Variants in AHRR observed in about 807,000 individuals in gnomAD.
The protein encoded by AHRR is aryl hydrocarbon receptor repressor, also known as ahR repressor.
Under a neutral mutation model 44.0 loss-of-function variants are expected in AHRR, and 28 were observed. The ratio of observed to expected loss-of-function variants is 0.64; its 90% confidence interval spans 0.47 to 0.87. The LOEUF is 0.87. Ranked by LOEUF, AHRR falls within the 40% of genes least tolerant of loss-of-function variation. The pLI is 0.00. For synonymous variants in AHRR, 434 were observed against 407.0 expected (o/e 1.07, Z -0.80); for missense variants, 990 against 953.9 (o/e 1.04, Z -0.50).
In AHRR at chr5:413,338, T is replaced by G; in HGVS notation, c.352-6T>G. On this transcript the variant is annotated splice_polypyrimidine_tract_variant and splice_region_variant and intron_variant, in intron 4 of 10. Transcript: ENST00000684583. ...ATTTTTTTTTTTGTTTTGTTTTTTC[T>G]TCTAGTCTCTTAATGGCTTTGCTCT... 6.3e-7 allele frequency: 1 copy of G among 1,583,808 alleles called. No individual in the cohort carries two copies. Among genetic ancestry groups the G allele is most frequent in the Non-Finnish European group, 8.6e-7 (1 of 1,168,156 alleles).
intron 5 of AHRR, among the ~76,000 whole-genome samples, chr5:414,193 GT>G (rs1735604932): frequency 6.6e-6 from 1 of 152,126 alleles, no homozygotes; most frequent in Non-Finnish European, 1.5e-5. Context: ...AACCTGGGAG[GT>G]GTAGGTTGCA....
rs540260467 is a variant in AHRR at position 353,205 on chromosome 5, T to C, written c.63-525T>C. Among the ~76,000 whole-genome samples the C allele has an allele frequency of 1.4e-3, 209 of 152,260 alleles. 1 individual carries two copies. The highest frequency in any genetic ancestry group is 2.3e-3 in the Non-Finnish European group (157 of 68,000). The stretch of plus-strand genomic sequence containing the variant: ...GGGTACTCTCCCCTCAGCCCCAGCA[T>C]GTACAGGAGAAACCAAGCTCGGAGC... On this transcript the variant is annotated intron_variant, in intron 2 of 10. Coordinates refer to ENST00000684583, the MANE Select transcript of AHRR (RefSeq NM_001377236.1).
intron 2 of AHRR, among the ~76,000 whole-genome samples, chr5:344,503 GGTGT>G (rs71281520): frequency 1.6e-3 from 3 of 1,930 alleles, no homozygotes; most frequent in South Asian, 0.023. Flanking sequence ...TGTGTGTGTG[GGTGT>G]GTGTGTGTGA....
At chr5:421,497 G>A (rs1407667462) in intron 5 of AHRR, among the ~76,000 whole-genome samples, 3 of 152,254 alleles carry the variant, frequency 2.0e-5, no homozygotes, top group Non-Finnish European at 4.4e-5. Context: ...TTTCTTGAAG[G>A]TGACTCACCC....
At chr5:385,319 T>C (rs1167298371) in intron 4 of AHRR, among the ~76,000 whole-genome samples, 1 of 152,020 alleles carries the variant, frequency 6.6e-6, no homozygotes, top group African/African-American at 2.4e-5. Context: ...GGACTACAGG[T>C]GCACACCACC....
At chr5:366,768 G>A (rs1251369946) in intron 3 of AHRR, among the ~76,000 whole-genome samples, 1 of 152,238 alleles carries the variant, frequency 6.6e-6, no homozygotes, top group Non-Finnish European at 1.5e-5. Context: ...GCATTGCTTT[G>A]CTGATACTCG....
chr5:387,567 G>C lies in AHRR; in HGVS notation c.351+10851G>C, dbSNP rs1372083047. Among the ~76,000 whole-genome samples the C allele has an allele frequency of 2.0e-5, 3 of 152,212 alleles. No homozygotes were observed. The highest frequency in any genetic ancestry group is 4.1e-4 in the South Asian group (2 of 4,834). Reference sequence around the variant, plus strand: ...AGCCATGCAGCACGTCCCTCCACCTGCCTTTCACCCTGTCTGCTGAGGGAT... The same window carrying C: ...AGCCATGCAGCACGTCCCTCCACCTCCCTTTCACCCTGTCTGCTGAGGGAT... On this transcript the variant is annotated intron_variant, in intron 4 of 10. Coordinates refer to ENST00000684583, the MANE Select transcript of AHRR (RefSeq NM_001377236.1). This position sits in a 1 kb window ranked among gnomAD's most constrained non-coding sequence, Gnocchi z 5.1.
intron 4 of AHRR, among the ~76,000 whole-genome samples, chr5:399,294 C>T (rs577232349): frequency 4.6e-5 from 7 of 152,302 alleles, no homozygotes; most frequent in East Asian, 3.9e-4. Context: ...ATGGGCCTGG[C>T]GCTTCTGGAG....
intron 8 of AHRR, among the ~76,000 whole-genome samples, chr5:429,874 G>A (rs957792): frequency 0.073 from 11,128 of 152,260 alleles, 491 homozygotes; most frequent in Admixed American, 0.12. Flanking sequence ...GGTGTGACTC[G>A]AATCTCACTG....
At position 434,146 on chromosome 5, in the gene AHRR, G is replaced by C. The variant is rs769781351; in HGVS notation, c.1406G>C (p.Arg469Pro). ...TCCAGCCGGACCAGCAGACCCATGCGGGATGTCGGTGAGGACCAGGTGCAC... is the reference window on the plus strand; with the variant it reads ...TCCAGCCGGACCAGCAGACCCATGCCGGATGTCGGTGAGGACCAGGTGCAC... ...AYSSRTSRPM[R>P]DVGEDQVHPP... Residue 469 changes from arginine (R) to proline (P), a missense_variant, in exon 11 of 11, where the codon CGG becomes CCG. Arg to Pro is a moderately radical substitution (Grantham distance 103, BLOSUM62 -2). Coordinates refer to ENST00000684583, the MANE Select transcript of AHRR (RefSeq NM_001377236.1). The C allele has an allele frequency of 6.2e-7, 1 of 1,610,180 alleles. No individual in the cohort carries two copies. Among genetic ancestry groups the C allele is most frequent in the Non-Finnish European group, 8.5e-7 (1 of 1,178,668 alleles).
At chr5:369,880 G>T (rs1463877026) in intron 3 of AHRR, among the ~76,000 whole-genome samples, 1 of 152,246 alleles carries the variant, frequency 6.6e-6, no homozygotes, top group Non-Finnish European at 1.5e-5. Context: ...TCTTGAGAAG[G>T]GAAGGAAGGG....
rs1742182316 is a variant in AHRR at position 337,486 on chromosome 5, C to T, written c.-10-6407C>T. 6.6e-6 allele frequency among the ~76,000 whole-genome samples: 1 copy of T among 152,204 alleles called. No individual in the cohort carries two copies. Among genetic ancestry groups the T allele is most frequent in the Non-Finnish European group, 1.5e-5 (1 of 68,034 alleles). ...CTTGACCTCCCAGGCTCAAGCGATACTCCTGCCTTAGTCTCCTGAGTAGCT... is the reference window on the plus strand; with the variant it reads ...CTTGACCTCCCAGGCTCAAGCGATATTCCTGCCTTAGTCTCCTGAGTAGCT... On this transcript the variant is annotated intron_variant, in intron 1 of 10. Coordinates refer to ENST00000684583, the MANE Select transcript of AHRR (RefSeq NM_001377236.1). This position sits in a 1 kb window ranked among gnomAD's most constrained non-coding sequence, Gnocchi z 4.1.
chr5:421,292 T>C, intron 5 of AHRR: 1 of 697,550 alleles, frequency 1.4e-6, no homozygotes, highest in Non-Finnish European at 2.6e-6. Flanking sequence ...GGCGAGGCTG[T>C]TGCGCTGCAG....
intron 4 of AHRR, among the ~76,000 whole-genome samples, chr5:391,459 CCAGAGCGTGCACGGGG>C (rs1324712157): frequency 9.6e-6 from 1 of 103,840 alleles, no homozygotes; most frequent in African/African-American, 6.3e-5. Flanking sequence ...CGAGGCAGGG[CCAGAGCGTGCACGGGG>C]GCAGGGCGAG....
chr5:360,008 G>T (rs1369602900), intron 3 of AHRR, among the ~76,000 whole-genome samples: 1 of 152,122 alleles, frequency 6.6e-6, no homozygotes, highest in East Asian at 1.9e-4. Flanking sequence ...TCTTTTTATG[G>T]ACTGGATGTT....
chr5:408,395 A>G (rs901840366), intron 4 of AHRR, among the ~76,000 whole-genome samples: 1 of 144,422 alleles, frequency 6.9e-6, no homozygotes, highest in Non-Finnish European at 1.5e-5. Context: ...TTTTTTTTTC[A>G]GGAATAATTG....
intron 5 of AHRR, among the ~76,000 whole-genome samples, chr5:415,696 G>A (rs983084342): frequency 2.0e-5 from 3 of 151,592 alleles, no homozygotes; most frequent in East Asian, 2.0e-4. Context: ...AGGCCTAGGG[G>A]CGGAGTCTGC....
At position 437,987 on chromosome 5, in the gene AHRR, G is replaced by T. The variant is rs10078; in HGVS notation, c.*3153G>T. 0.76 allele frequency: 115,008 copies of T among 152,328 alleles called. 43,924 individuals carry two copies. The highest frequency in any genetic ancestry group is 0.79 in the Non-Finnish European group (53,622 of 68,010). 9.4% of individuals were successfully genotyped at this position (152,328 alleles called of 1,614,324 possible). A position where few individuals can be genotyped will look rare whatever the true frequency, so the allele number is the denominator to read the frequency against. ...TAATTACAGGTTCATGTTTTTCTGT[G>T]TATGTAGCTTTTCCCTATATAGCTG... On this transcript the variant is annotated 3_prime_UTR_variant, in exon 11 of 11. Transcript: ENST00000684583.
chr5:413,512 G>A, intron 5 of AHRR, 79 bp downstream of exon 5: 1 of 1,095,700 alleles, frequency 9.1e-7, no homozygotes, highest in Non-Finnish European at 1.4e-6. Flanking sequence ...TGTCGTCAAG[G>A]TTTGATAATG....
Sources: allele counts gnomAD v4.1 joint callset (sites outside exome capture counted in the v4.1 genomes callset), GRCh38; gene constraint gnomAD v4.1.1; non-coding constraint Gnocchi (gnomAD v3.1); transcripts MANE v1.5; gene names NCBI Gene and HGNC (gene_info 2026-07-23, HGNC 2026-07-21).